The following SLC22A15 variants were observed in gnomAD, a reference collection of about 807,000 sequenced individuals.
SLC22A15 encodes the protein solute carrier family 22 member 15.
A neutral mutation model predicts 62.7 loss-of-function variants in SLC22A15; 45 were observed. The observed-to-expected ratio is 0.72, with a 90% CI of 0.56 to 0.92. SLC22A15 has a LOEUF of 0.92. Ranked by LOEUF, SLC22A15 falls within the 40% of genes least tolerant of loss-of-function variation. SLC22A15 has a pLI of 0.00. For synonymous variants in SLC22A15, 264 were observed against 267.0 expected (o/e 0.99, Z 0.11); for missense variants, 622 against 665.6 (o/e 0.93, Z 0.72).
chr1:116,009,064 G>T (rs1484484047), intron 2 of SLC22A15, among the ~76,000 whole-genome samples: 1 of 152,088 alleles, frequency 6.6e-6, no homozygotes, highest in Non-Finnish European at 1.5e-5. Context: ...TAACAAAGGA[G>T]AATTAAATAG....
chr1:116,044,569 G>C (rs1353555857), intron 8 of SLC22A15, among the ~76,000 whole-genome samples: 3 of 152,018 alleles, frequency 2.0e-5, no homozygotes, highest in Non-Finnish European at 1.5e-5. Context: ...GAAATTAAAG[G>C]GATTTAAATT....
chr1:116,020,908 C>G (rs571248412), intron 4 of SLC22A15, 23 bp downstream of exon 4: 1 of 1,586,484 alleles, frequency 6.3e-7, no homozygotes, highest in Non-Finnish European at 8.6e-7. Flanking sequence ...TCATGCAGCT[C>G]TGGACTGGGT....
At chr1:115,983,489 T>A (rs1654711217) in intron 1 of SLC22A15, among the ~76,000 whole-genome samples, 1 of 152,226 alleles carries the variant, frequency 6.6e-6, no homozygotes, top group African/African-American at 2.4e-5. Flanking sequence ...TATATATGTA[T>A]AATCGATGCA....
rs554789441 is a variant in SLC22A15, at chr1:116,020,246, TA to T, written c.434-460del. 1.7e-3 allele frequency among the ~76,000 whole-genome samples: 237 copies of T among 140,062 alleles called. 1 individual carries two copies. The highest frequency in any genetic ancestry group is 7.2e-3 in the Middle Eastern group (2 of 276). The allele number at this position is 140,062 out of a possible 152,430, so 91.9% of individuals were successfully genotyped here. A position where few individuals can be genotyped will look rare whatever the true frequency, so the allele number is the denominator to read the frequency against. The stretch of plus-strand genomic sequence containing the variant: ...AAAAATAGTTTCCAAGAGAAGCTGT[TA>T]AAAAAAAAAAAAAACACACAGCTGG... On this transcript the variant is annotated intron_variant, in intron 3 of 11. Coordinates refer to ENST00000369503, the MANE Select transcript of SLC22A15 (RefSeq NM_018420.3).
intron 4 of SLC22A15, among the ~76,000 whole-genome samples, chr1:116,022,455 C>A (rs1656888806): frequency 6.6e-6 from 1 of 152,128 alleles, no homozygotes; most frequent in African/African-American, 2.4e-5. Flanking sequence ...ATGTAGAGCA[C>A]CATGAATACA....
At chr1:116,000,333 A>G (rs556847478) in intron 2 of SLC22A15, among the ~76,000 whole-genome samples, 1 of 152,194 alleles carries the variant, frequency 6.6e-6, no homozygotes, top group African/African-American at 2.4e-5. Context: ...ACTGATGACA[A>G]TTTAACTCTG....
intron 5 of SLC22A15, among the ~76,000 whole-genome samples, chr1:116,029,690 C>G (rs1657297484): frequency 6.6e-6 from 1 of 152,194 alleles, no homozygotes; most frequent in Non-Finnish European, 1.5e-5. Flanking sequence ...GCCTTCGTGT[C>G]TCTCAAATAC....
At chr1:116,033,250 A>G (rs1657491351) in intron 6 of SLC22A15, among the ~76,000 whole-genome samples, 1 of 152,224 alleles carries the variant, frequency 6.6e-6, no homozygotes, top group Non-Finnish European at 1.5e-5. Flanking sequence ...CTTTTTAAAT[A>G]ATTATTTGAT....
At chr1:116,055,199 G>A (rs980665168) in intron 8 of SLC22A15, among the ~76,000 whole-genome samples, 13 of 151,402 alleles carry the variant, frequency 8.6e-5, no homozygotes, top group Admixed American at 2.6e-4. Context: ...TCAAATAGAC[G>A]CAATAAAAAA....
At chr1:115,979,769 C>T (rs942456421) in intron 1 of SLC22A15, among the ~76,000 whole-genome samples, 6 of 152,036 alleles carry the variant, frequency 3.9e-5, no homozygotes, top group African/African-American at 1.2e-4. Flanking sequence ...TGAAAATGGA[C>T]GTTACTTCTT....
chr1:116,006,041 G>A (rs932994817), intron 2 of SLC22A15, among the ~76,000 whole-genome samples: 3 of 152,142 alleles, frequency 2.0e-5, no homozygotes, highest in African/African-American at 7.2e-5. Context: ...GACCACCACT[G>A]GACAATGCAA....
intron 2 of SLC22A15, among the ~76,000 whole-genome samples, chr1:116,007,647 T>C (rs1656048149): frequency 6.6e-6 from 1 of 151,860 alleles, no homozygotes; most frequent in Admixed American, 6.6e-5. Context: ...GGGATGGGAG[T>C]CTCTCTGCCA....
chr1:116,042,875 G>A (rs1440880839), intron 8 of SLC22A15, among the ~76,000 whole-genome samples: 5 of 152,158 alleles, frequency 3.3e-5, no homozygotes, highest in Non-Finnish European at 7.3e-5. Flanking sequence ...TATTCCATTT[G>A]AAGTGCACAC....
intron 2 of SLC22A15, among the ~76,000 whole-genome samples, chr1:115,996,397 A>G (rs1220155211): frequency 6.6e-6 from 1 of 152,178 alleles, no homozygotes; most frequent in African/African-American, 2.4e-5. Flanking sequence ...CCTGCATATC[A>G]ATTTGGGGAG....
chr1:115,996,863 A>G (rs1159861201), intron 2 of SLC22A15, among the ~76,000 whole-genome samples: 1 of 151,876 alleles, frequency 6.6e-6, no homozygotes, highest in African/African-American at 2.4e-5. Context: ...GTTGTCGCTT[A>G]TTAATTCTAG....
At chr1:115,991,746 G>C (rs944934705) in intron 1 of SLC22A15, among the ~76,000 whole-genome samples, 6 of 152,136 alleles carry the variant, frequency 3.9e-5, no homozygotes, top group African/African-American at 1.4e-4. Flanking sequence ...AAGCATATAA[G>C]CATATAAGCA....
chr1:116,017,478 GGA>G (rs1186271903), intron 2 of SLC22A15: 1 of 152,108 alleles, frequency 6.6e-6, no homozygotes, highest in Non-Finnish European at 1.5e-5. Context: ...TGTGAAGAAT[GGA>G]ATTCAGAAGT....
At chr1:115,982,472 G>A (rs560117663) in intron 1 of SLC22A15, among the ~76,000 whole-genome samples, 10 of 152,214 alleles carry the variant, frequency 6.6e-5, no homozygotes, top group Admixed American at 1.3e-4. Flanking sequence ...TTGTGAATGC[G>A]TTGCTATGCA....
intron 8 of SLC22A15, among the ~76,000 whole-genome samples, chr1:116,061,125 A>G (rs1466561618): frequency 2.0e-5 from 3 of 152,154 alleles, no homozygotes; most frequent in Non-Finnish European, 4.4e-5. Flanking sequence ...GCACCAGTGT[A>G]CATAGTGCTA....
Sources: gnomAD v4.1 joint callset for allele counts (sites outside exome capture counted in the v4.1 genomes callset) on GRCh38, gnomAD v4.1.1 for gene constraint, MANE v1.5 for transcripts, NCBI Gene and HGNC (gene_info 2026-07-23, HGNC 2026-07-21) for gene names.